The following CTNNA2 variants were observed in gnomAD, a reference collection of about 807,000 sequenced individuals.
The protein encoded by CTNNA2 is catenin alpha-2.
In CTNNA2, 42 loss-of-function variants were observed where a neutral mutation model predicts 101.0. That is an observed-to-expected ratio of 0.42 (90% CI 0.32 to 0.54). The LOEUF (loss-of-function observed/expected upper bound fraction) is 0.54, where lower values mean the gene tolerates loss of function less well. Ranked by LOEUF, CTNNA2 falls within the 20% of genes least tolerant of loss-of-function variation. The probability of loss-of-function intolerance (pLI) is 0.14; values close to 1 mark genes in which losing one functional copy is unlikely to be tolerated. For missense variants in CTNNA2, 871 were observed against 1,223.1 expected (o/e 0.71, Z 4.29); for synonymous variants, 450 against 456.4 (o/e 0.99, Z 0.18).
At chr2:80,316,164 C>T (rs2149237895) in intron 7 of CTNNA2, among the ~76,000 whole-genome samples, 1 of 152,148 alleles carries the variant, frequency 6.6e-6, no homozygotes, top group Non-Finnish European at 1.5e-5. Flanking sequence ...CAGGTTTATA[C>T]AGTAAAACAG....
At chr2:79,575,680 A>G (rs904718606) in intron 1 of CTNNA2, 59 of 152,222 alleles carry the variant, frequency 3.9e-4, no homozygotes, top group African/African-American at 1.4e-3. Flanking sequence ...GCTGCTGCAC[A>G]TCGCAATACT....
chr2:79,985,936 T>G (rs1272105869), intron 7 of CTNNA2, among the ~76,000 whole-genome samples: 1 of 152,168 alleles, frequency 6.6e-6, no homozygotes, highest in Non-Finnish European at 1.5e-5. Context: ...AGGGGACCAC[T>G]TGCCCACACC....
At chr2:79,924,335 G>C (rs921375003) in intron 7 of CTNNA2, among the ~76,000 whole-genome samples, 3 of 151,988 alleles carry the variant, frequency 2.0e-5, no homozygotes, top group Admixed American at 1.3e-4. Context: ...CTTCCCCATT[G>C]CTGGCTTAGG....
intron 6 of CTNNA2, among the ~76,000 whole-genome samples, chr2:79,885,417 T>C (rs36003143): frequency 0.013 from 2,014 of 152,270 alleles, 143 homozygotes; most frequent in Admixed American, 0.098. Flanking sequence ...TGGCCCAGAG[T>C]TCTGACTGGC....
At chr2:80,076,690 A>G (rs1698779093) in intron 7 of CTNNA2, among the ~76,000 whole-genome samples, 1 of 151,888 alleles carries the variant, frequency 6.6e-6, no homozygotes, top group Admixed American at 6.6e-5. Flanking sequence ...GCATCTTGCT[A>G]AATAATTTTA....
intron 2 of CTNNA2, among the ~76,000 whole-genome samples, chr2:79,229,257 G>A (rs1403923084): frequency 2.0e-5 from 3 of 152,126 alleles, no homozygotes; most frequent in Non-Finnish European, 4.4e-5. Context: ...TGGTTTGGCT[G>A]TGACCCCACC....
At chr2:80,591,862 AACTTC>A (rs1696543111) in intron 15 of CTNNA2, among the ~76,000 whole-genome samples, 1 of 152,170 alleles carries the variant, frequency 6.6e-6, no homozygotes, top group Non-Finnish European at 1.5e-5. Context: ...TATGTGTAAT[AACTTC>A]TTCATGGAAG....
intron 1 of CTNNA2, among the ~76,000 whole-genome samples, chr2:79,532,883 G>A (rs1048116422): frequency 2.6e-5 from 4 of 152,000 alleles, no homozygotes; most frequent in East Asian, 1.9e-4. Context: ...TTAGCCTACC[G>A]TAACTCACGG....
intron 6 of CTNNA2, among the ~76,000 whole-genome samples, chr2:79,884,700 G>T (rs1683705746): frequency 6.7e-6 from 1 of 149,718 alleles, no homozygotes; most frequent in Non-Finnish European, 1.5e-5. Flanking sequence ...TTCCCTACCT[G>T]CCTTTACCTT....
At chr2:79,977,222 GCACACACACACACACA>G (rs72018840) in intron 7 of CTNNA2, among the ~76,000 whole-genome samples, 1 of 144,740 alleles carries the variant, frequency 6.9e-6, no homozygotes, top group Non-Finnish European at 1.5e-5. Context: ...GCATATGCAT[GCACACACACACACACA>G]CACACACACA....
chr2:79,234,612 G>A (rs529363540), intron 2 of CTNNA2, among the ~76,000 whole-genome samples: 7 of 152,224 alleles, frequency 4.6e-5, no homozygotes, highest in East Asian at 3.9e-4. Context: ...TTTTATGAAC[G>A]ATATCTTCAA....
intron 14 of CTNNA2, among the ~76,000 whole-genome samples, chr2:80,588,865 T>C (rs1696197134): frequency 6.6e-6 from 1 of 152,170 alleles, no homozygotes; most frequent in South Asian, 2.1e-4. Context: ...AGATAGTGTT[T>C]AAAATTCCTA....
intron 2 of CTNNA2, among the ~76,000 whole-genome samples, chr2:79,210,301 G>GA (rs1215980849): frequency 5.3e-5 from 8 of 151,334 alleles, no homozygotes; most frequent in African/African-American, 1.5e-4. Context: ...TTAAATAAAA[G>GA]AAAAAAAACT....
At chr2:80,046,525 T>C (rs72924615) in intron 7 of CTNNA2, among the ~76,000 whole-genome samples, 5,637 of 151,044 alleles carry the variant, frequency 0.037, 337 homozygotes, top group African/African-American at 0.13. Context: ...GGCTGAGAGC[T>C]GTGGTGTTCA....
chr2:79,403,349 A>G (rs1678309213), intron 4 of CTNNA2, among the ~76,000 whole-genome samples: 1 of 151,910 alleles, frequency 6.6e-6, no homozygotes, highest in South Asian at 2.1e-4. Flanking sequence ...CTAGAACTAA[A>G]CTGTTCAATA....
chr2:80,325,971 G>T (rs144531571), intron 7 of CTNNA2, among the ~76,000 whole-genome samples: 1 of 152,104 alleles, frequency 6.6e-6, no homozygotes, highest in African/African-American at 2.4e-5. Context: ...TCCGTCCAGC[G>T]GTCTTTTTAT....
At chr2:80,516,806 T>G (rs1275956318) in intron 9 of CTNNA2, among the ~76,000 whole-genome samples, 1 of 152,216 alleles carries the variant, frequency 6.6e-6, no homozygotes, top group Non-Finnish European at 1.5e-5. Flanking sequence ...AAGTGCCAGA[T>G]TCCACTTTTC....
upstream of CTNNA2, among the ~76,000 whole-genome samples, chr2:79,508,577 C>T (rs1671462374): frequency 6.6e-6 from 1 of 151,914 alleles, no homozygotes; most frequent in Non-Finnish European, 1.5e-5. Context: ...TCAAATTGGT[C>T]AAAAGACACT....
intron 9 of CTNNA2, among the ~76,000 whole-genome samples, chr2:80,513,068 A>G (rs1217905579): frequency 2.0e-5 from 3 of 152,216 alleles, no homozygotes; most frequent in Admixed American, 2.0e-4. Context: ...TATACCCACA[A>G]GTGCTCCTCT....
Sources: allele counts gnomAD v4.1 joint callset (sites outside exome capture counted in the v4.1 genomes callset), GRCh38; gene constraint gnomAD v4.1.1; transcripts MANE v1.5; gene names NCBI Gene and HGNC (gene_info 2026-07-23, HGNC 2026-07-21).